Variants in FMN1 observed in about 807,000 individuals in gnomAD.
FMN1 encodes formin 1, also known as formin-1.
FMN1 carries 110 observed loss-of-function variants against 132.4 expected under a neutral mutation model. The observed-to-expected ratio is 0.83, with a 90% CI of 0.71 to 0.97. The LOEUF (loss-of-function observed/expected upper bound fraction) is 0.97, where lower values mean the gene tolerates loss of function less well. Ranked by LOEUF, FMN1 falls within the 50% of genes least tolerant of loss-of-function variation. The pLI, the probability that FMN1 is intolerant of heterozygous loss-of-function variation, is 0.00. For synonymous variants in FMN1, 722 were observed against 651.7 expected, an observed-to-expected ratio of 1.11 and a Z score of -1.64; for missense variants, 1,792 against 1,705.3, an observed-to-expected ratio of 1.05 and a Z score of -0.90.
Position 32,964,108 on chromosome 15 carries a change from T to G in FMN1, c.3137A>C (p.Lys1046Thr). Residue 1046 changes from lysine (K) to threonine (T), a missense_variant and splice_region_variant, in exon 9 of 21, where the codon AAG becomes ACG. Around this residue, in one of 3 missense-constraint regions of FMN1, gnomAD observed 1,150 missense variants for 1,043.1 expected, o/e 1.10. Coordinates refer to ENST00000616417, the MANE Select transcript of FMN1 (RefSeq NM_001277313.2). ...AGCTTTGCCATAATCACTCAGTACC[T>G]TTTTGACCTTGTTTTTCTTCTCATA... is the stretch of plus-strand genomic sequence containing the variant. Reference protein sequence around the residue: ...ETYEKKNKVKKIIKLLDGKRS... With the variant: ...ETYEKKNKVKTIIKLLDGKRS... 3 of 1,609,614 alleles carry G rather than the reference T, an allele frequency of 1.9e-6. No individual in the cohort carries two copies. Among genetic ancestry groups the G allele is most frequent in the Non-Finnish European group, 2.5e-6 (3 of 1,177,322 alleles).
At chr15:33,173,676 C>T (rs1195950657) in intron 3 of FMN1, among the ~76,000 whole-genome samples, 1 of 152,236 alleles carries the variant, frequency 6.6e-6, no homozygotes, top group African/African-American at 2.4e-5. Context: ...CGCCTGTAAT[C>T]CCAGCACATT....
At chr15:32,875,681 A>C (rs2059619957) in intron 16 of FMN1, among the ~76,000 whole-genome samples, 1 of 152,218 alleles carries the variant, frequency 6.6e-6, no homozygotes, top group African/African-American at 2.4e-5. Flanking sequence ...GGGGCTAAGG[A>C]GGTCTCCCTC....
intron 15 of FMN1, among the ~76,000 whole-genome samples, chr15:32,894,111 C>T (rs2060096326): frequency 6.6e-6 from 1 of 152,170 alleles, no homozygotes; most frequent in South Asian, 2.1e-4. Flanking sequence ...TTTACAGATG[C>T]CACTTATTAC....
chr15:33,007,894 C>G (rs1596458827), intron 7 of FMN1, 120 bp downstream of exon 7: 1 of 742,356 alleles, frequency 1.3e-6, no homozygotes, highest in Non-Finnish European at 2.2e-6. Context: ...CTACTGGCAG[C>G]TGCAAGATGC....
chr15:32,992,411 A>G (rs1053478387), intron 7 of FMN1, among the ~76,000 whole-genome samples: 4 of 152,226 alleles, frequency 2.6e-5, no homozygotes, highest in African/African-American at 9.6e-5. Context: ...GAACAATAGT[A>G]TAAGTATGAA....
At chr15:33,026,328 A>G (rs1343829230) in intron 6 of FMN1, among the ~76,000 whole-genome samples, 1 of 151,166 alleles carries the variant, frequency 6.6e-6, no homozygotes, top group Non-Finnish European at 1.5e-5. Context: ...GTTAATATAT[A>G]AATACTAACT....
chr15:32,942,822 A>C (rs1322622287), intron 9 of FMN1, among the ~76,000 whole-genome samples: 1 of 152,206 alleles, frequency 6.6e-6, no homozygotes, highest in Non-Finnish European at 1.5e-5. Flanking sequence ...TGCTATCACC[A>C]ATGAATAGCT....
chr15:33,062,922 C>T (rs562677781), intron 6 of FMN1: 1 of 152,256 alleles, frequency 6.6e-6, no homozygotes, highest in East Asian at 1.9e-4. Context: ...TGTATATTTT[C>T]TATGAACTGA....
intron 11 of FMN1, among the ~76,000 whole-genome samples, chr15:32,909,356 C>T (rs1186408287): frequency 6.6e-6 from 1 of 152,230 alleles, no homozygotes; most frequent in Non-Finnish European, 1.5e-5. Flanking sequence ...TATTCAAGTG[C>T]ATAATTAGCT....
chr15:32,942,930 A>C (rs1325973997), intron 9 of FMN1, among the ~76,000 whole-genome samples: 1 of 152,230 alleles, frequency 6.6e-6, no homozygotes, highest in Non-Finnish European at 1.5e-5. Flanking sequence ...TAAATGTAGA[A>C]ACCATATATA....
At chr15:32,775,859 G>A (rs542447497) in intron 20 of FMN1, among the ~76,000 whole-genome samples, 40 of 152,196 alleles carry the variant, frequency 2.6e-4, no homozygotes, top group Non-Finnish European at 4.1e-4. Context: ...AAAGGATAAA[G>A]TAAGTAGTTG....
chr15:33,127,263 T>C (rs1408532633), intron 4 of FMN1, among the ~76,000 whole-genome samples: 1 of 152,148 alleles, frequency 6.6e-6, no homozygotes, highest in Non-Finnish European at 1.5e-5. Flanking sequence ...CAGATCTCCC[T>C]CCTTATTCTT....
chr15:33,159,569 G>GAAAA (rs553083740), intron 3 of FMN1, among the ~76,000 whole-genome samples: 1 of 151,748 alleles, frequency 6.6e-6, no homozygotes. Flanking sequence ...GAATGTAACA[G>GAAAA]AAAAAAAACA....
intron 19 of FMN1, among the ~76,000 whole-genome samples, chr15:32,786,693 T>G (rs1268612054): frequency 6.6e-6 from 1 of 152,172 alleles, no homozygotes. Context: ...TAGAGAAGAT[T>G]GAGGGCAACG....
At chr15:32,965,720 T>G (rs1471293293) in intron 8 of FMN1, among the ~76,000 whole-genome samples, 3 of 152,156 alleles carry the variant, frequency 2.0e-5, no homozygotes, top group Non-Finnish European at 4.4e-5. Context: ...ATTCACCTCT[T>G]CTCTCCTCTA....
chr15:33,017,612 T>C lies in FMN1; in HGVS notation c.2162-9537A>G, dbSNP rs377505348. Among the ~76,000 whole-genome samples, 147 of 152,320 alleles carry C rather than the reference T, an allele frequency of 9.7e-4. 2 individuals carry two copies. In the South Asian group the frequency reaches 0.029, roughly 30 times the overall value. ...CAATAACTGGGAGAAATCCCATGAA[T>C]TTAGGAATTGTAACTGTCAACCTTT... is the stretch of plus-strand genomic sequence containing the variant. On this transcript the variant is annotated intron_variant, in intron 6 of 20. Transcript: ENST00000616417.
At chr15:32,822,146 C>T (rs1227042244) in intron 17 of FMN1, among the ~76,000 whole-genome samples, 1 of 152,020 alleles carries the variant, frequency 6.6e-6, no homozygotes, top group Non-Finnish European at 1.5e-5. Flanking sequence ...ATCAGGAGTT[C>T]GAGACCAGCC....
intron 9 of FMN1, among the ~76,000 whole-genome samples, chr15:32,942,316 C>T (rs1414510115): frequency 6.6e-6 from 1 of 152,192 alleles, no homozygotes; most frequent in Non-Finnish European, 1.5e-5. Context: ...AGATTTGCTA[C>T]ACTGGGAAAA....
In FMN1 at chr15:32,957,309, T is replaced by TTTG. The variant is rs1304748313; in HGVS notation, c.3138+6797_3138+6798insCAA. Reference sequence around the variant, plus strand: ...TTATCAGAGCAGTTCTTTTTTTTTTTTTTTTTTTTTTTTTTTACAGGAACC... The same window carrying TTTG: ...TTATCAGAGCAGTTCTTTTTTTTTTTTTGTTTTTTTTTTTTTTTTACAGGAACC... On this transcript the variant is annotated intron_variant, in intron 9 of 20. Transcript: ENST00000616417. 2.8e-5 allele frequency among the ~76,000 whole-genome samples: 4 copies of TTTG among 144,780 alleles called. No homozygotes were observed. In the East Asian group the frequency reaches 6.1e-4, roughly 22 times the overall value. The allele number at this position is 144,780 out of a possible 152,430, so 95.0% of individuals were successfully genotyped here.
Sources: gnomAD v4.1 joint callset for allele counts (sites outside exome capture counted in the v4.1 genomes callset) on GRCh38, gnomAD v4.1.1 for gene constraint, gnomAD v4.1.1 regional missense constraint, MANE v1.5 for transcripts, NCBI Gene and HGNC (gene_info 2026-07-23, HGNC 2026-07-21) for gene names.